The following MAGI2 variants were observed in gnomAD, a reference collection of about 807,000 sequenced individuals.
The protein encoded by MAGI2 is membrane-associated guanylate kinase, WW and PDZ domain-containing protein 2.
MAGI2 carries 35 observed loss-of-function variants against 133.3 expected under a neutral mutation model. That is an observed-to-expected ratio of 0.26 (90% confidence interval 0.20 to 0.35). The LOEUF (loss-of-function observed/expected upper bound fraction) is 0.35, where lower values mean the gene tolerates loss of function less well. MAGI2 is among the 10% of genes least tolerant of loss of function. MAGI2 has a pLI of 1.00. For synonymous variants in MAGI2, 729 were observed against 710.6 expected (o/e 1.03, Z -0.41); for missense variants, 1,636 against 1,863.4 (o/e 0.88, Z 2.25).
intron 6 of MAGI2, among the ~76,000 whole-genome samples, chr7:78,402,569 C>T (rs1323469571): frequency 1.3e-5 from 2 of 152,130 alleles, no homozygotes; most frequent in African/African-American, 2.4e-5. Flanking sequence ...AATGGTGTTA[C>T]AAAGTTTATG....
intron 9 of MAGI2, among the ~76,000 whole-genome samples, chr7:78,336,335 G>A (rs1334009698): frequency 6.6e-6 from 1 of 152,180 alleles, no homozygotes; most frequent in Non-Finnish European, 1.5e-5. Flanking sequence ...TTAATCTTGT[G>A]CCCTTACTTT....
At chr7:78,208,635 A>T (rs1299270136) in intron 10 of MAGI2, among the ~76,000 whole-genome samples, 1 of 152,144 alleles carries the variant, frequency 6.6e-6, no homozygotes, top group Non-Finnish European at 1.5e-5. Context: ...GGCAATCAAT[A>T]CTTGCAAATG....
intron 20 of MAGI2, among the ~76,000 whole-genome samples, chr7:78,104,095 C>A (rs1447188544): frequency 6.6e-6 from 1 of 152,094 alleles, no homozygotes; most frequent in East Asian, 1.9e-4. Context: ...TTACTGGGGA[C>A]CAAAACAAAA....
Position 79,105,331 on chromosome 7 carries a change from G to A in MAGI2, c.302-98125C>T, listed in dbSNP as rs74321440. ...ACTTATGGAACTGTCTATTTTTTAA[G>A]TATGGAGCTATGACTGAGATGCTTA... is the stretch of plus-strand genomic sequence containing the variant. On this transcript the variant is annotated intron_variant, in intron 1 of 21. Coordinates refer to ENST00000354212, the MANE Select transcript of MAGI2 (RefSeq NM_012301.4). 2.1e-3 allele frequency among the ~76,000 whole-genome samples: 314 copies of A among 152,252 alleles called. 8 individuals carry two copies. In the East Asian group the frequency reaches 0.057, roughly 28 times the overall value.
intron 1 of MAGI2, among the ~76,000 whole-genome samples, chr7:79,098,734 A>G (rs916834544): frequency 1.5e-4 from 23 of 152,224 alleles, no homozygotes; most frequent in Admixed American, 1.1e-3. Flanking sequence ...GACATACACC[A>G]TAATTAAGAT....
chr7:79,110,293 G>C (rs928550595), intron 1 of MAGI2, among the ~76,000 whole-genome samples: 2 of 152,196 alleles, frequency 1.3e-5, no homozygotes, highest in Admixed American at 1.3e-4. Flanking sequence ...TAACAGAGTT[G>C]TGAGAAGAGG....
intron 2 of MAGI2, among the ~76,000 whole-genome samples, chr7:78,974,878 A>G (rs1227735121): frequency 6.6e-6 from 1 of 151,832 alleles, no homozygotes; most frequent in Non-Finnish European, 1.5e-5. Context: ...CGAAAGTTTG[A>G]CTACCTATAT....
At chr7:78,880,621 C>T (rs1193823453) in intron 2 of MAGI2, among the ~76,000 whole-genome samples, 1 of 152,152 alleles carries the variant, frequency 6.6e-6, no homozygotes, top group Non-Finnish European at 1.5e-5. Flanking sequence ...ACCACAGAAA[C>T]ACACTTAAGT....
At chr7:78,250,295 C>A (rs1234268144) in intron 10 of MAGI2, among the ~76,000 whole-genome samples, 2 of 151,772 alleles carry the variant, frequency 1.3e-5, no homozygotes, top group African/African-American at 4.8e-5. Context: ...TTCTAAGTAA[C>A]CTATAGGTCA....
chr7:78,271,245 G>T (rs1448746189), intron 9 of MAGI2, among the ~76,000 whole-genome samples: 1 of 151,992 alleles, frequency 6.6e-6, no homozygotes, highest in Non-Finnish European at 1.5e-5. Flanking sequence ...TTTGTCATTG[G>T]TTCCGTTTAT....
intron 21 of MAGI2, among the ~76,000 whole-genome samples, chr7:78,064,405 TTAG>T (rs941386461): frequency 8.6e-5 from 13 of 151,826 alleles, no homozygotes; most frequent in African/African-American, 3.1e-4. Flanking sequence ...AAGAAAATGT[TTAG>T]TAGTAAGCCA....
chr7:78,127,874 T>G (rs1463285715), intron 18 of MAGI2, among the ~76,000 whole-genome samples: 1 of 152,134 alleles, frequency 6.6e-6, no homozygotes, highest in Admixed American at 6.5e-5. Context: ...CATAAAAACA[T>G]GATTGAAGTG....
intron 1 of MAGI2, among the ~76,000 whole-genome samples, chr7:79,090,374 T>G (rs1816940461): frequency 6.6e-6 from 1 of 152,254 alleles, no homozygotes; most frequent in African/African-American, 2.4e-5. Flanking sequence ...TACCATAATT[T>G]GTAACTGGAA....
chr7:79,149,043 T>C (rs1822930017), intron 1 of MAGI2, among the ~76,000 whole-genome samples: 1 of 144,550 alleles, frequency 6.9e-6, no homozygotes, highest in South Asian at 2.1e-4. Flanking sequence ...AGGAAGTATA[T>C]ATATATATAA....
chr7:78,057,527 A>ATAGTT (rs1812716343), intron 21 of MAGI2, among the ~76,000 whole-genome samples: 1 of 152,116 alleles, frequency 6.6e-6, no homozygotes, highest in South Asian at 2.1e-4. Flanking sequence ...GTTTGTTTAA[A>ATAGTT]TAGTTGCCAT....
rs1554394140 is a variant in MAGI2, at chr7:79,171,743, A to ATAT, written c.302-164538_302-164537insATA. On this transcript the variant is annotated intron_variant, in intron 1 of 21. Coordinates refer to ENST00000354212, the MANE Select transcript of MAGI2 (RefSeq NM_012301.4). Reference sequence around the variant, plus strand: ...AAAATTAAGCAAGACAATAGCCAAAAATATATATATATATATATATATATA... The same window carrying ATAT: ...AAAATTAAGCAAGACAATAGCCAAAATATATATATATATATATATATATATATA... Among the ~76,000 whole-genome samples the ATAT allele has an allele frequency of 2.0e-3, 60 of 29,554 alleles. 17 individuals carry two copies. Among genetic ancestry groups the ATAT allele is most frequent in the Non-Finnish European group, 4.3e-3 (34 of 7,930 alleles). 19.4% of individuals were successfully genotyped at this position (29,554 alleles called of 152,430 possible).
chr7:79,201,253 T>C (rs369237687), intron 1 of MAGI2, among the ~76,000 whole-genome samples: 1 of 152,054 alleles, frequency 6.6e-6, no homozygotes, highest in African/African-American at 2.4e-5. Context: ...GGACCAAAAA[T>C]AGACTTTGCT....
At chr7:78,610,277 G>C (rs1251224103) in intron 3 of MAGI2, among the ~76,000 whole-genome samples, 1 of 152,224 alleles carries the variant, frequency 6.6e-6, no homozygotes, top group African/African-American at 2.4e-5. Flanking sequence ...GGGTGATAGG[G>C]AACACTGGCC....
rs1020638750 is a variant in MAGI2 at position 78,743,204 on chromosome 7, A to G, written c.419-115965T>C. ...ATCCCCTCCTCTACTAGAACCCTAT[A>G]GAGATATAGGTCTAGTGCCTATAAA... On this transcript the variant is annotated intron_variant, in intron 2 of 21. Transcript: ENST00000354212. 9.9e-5 allele frequency among the ~76,000 whole-genome samples: 15 copies of G among 152,230 alleles called. 1 individual carries two copies. The highest frequency in any genetic ancestry group is 9.6e-4 in the East Asian group (5 of 5,194).
Sources: gnomAD v4.1 joint callset for allele counts (sites outside exome capture counted in the v4.1 genomes callset) on GRCh38, gnomAD v4.1.1 for gene constraint, MANE v1.5 for transcripts, NCBI Gene and HGNC (gene_info 2026-07-23, HGNC 2026-07-21) for gene names.